The following LARGE1 variants were observed in gnomAD, a reference collection of about 807,000 sequenced individuals.
The protein encoded by LARGE1 is LARGE xylosyl- and glucuronyltransferase 1, also known as xylosyl- and glucuronyltransferase LARGE1.
LARGE1 carries 43 observed loss-of-function variants against 87.6 expected under a neutral mutation model. The ratio of observed to expected loss-of-function variants is 0.49; its 90% CI spans 0.38 to 0.63. The LOEUF (loss-of-function observed/expected upper bound fraction) is 0.63. LARGE1 is among the 30% of genes least tolerant of loss of function. The pLI is 0.00. For synonymous variants in LARGE1, 434 were observed against 394.6 expected (o/e 1.10, Z -1.18); for missense variants, 802 against 1,000.2 (o/e 0.80, Z 2.67).
the LARGE1 span, among the ~76,000 whole-genome samples, chr22:33,137,720 C>T: frequency 3.9e-5 from 6 of 152,032 alleles, no homozygotes; most frequent in South Asian, 1.2e-3. Flanking sequence ...TGCCCTGTGT[C>T]CCAGTTAATT....
intron 1 of LARGE1, among the ~76,000 whole-genome samples, chr22:33,776,051 C>G (rs1601589508): frequency 6.6e-6 from 1 of 152,146 alleles, no homozygotes; most frequent in Non-Finnish European, 1.5e-5. Flanking sequence ...CTTTCCCTCA[C>G]TGAAAGGTTC....
At chr22:33,194,802 G>T (rs1923981037) in intron 11 of LARGE1, among the ~76,000 whole-genome samples, 1 of 152,132 alleles carries the variant, frequency 6.6e-6, no homozygotes, top group Admixed American at 6.5e-5. Context: ...TTACAGAAAG[G>T]GGAATAGAGA....
chr22:33,752,923 T>C (rs766133666), intron 2 of LARGE1, among the ~76,000 whole-genome samples: 1 of 152,212 alleles, frequency 6.6e-6, no homozygotes, highest in Non-Finnish European at 1.5e-5. Flanking sequence ...GTAGGCTCAA[T>C]ATAATTACAA....
intron 5 of LARGE1, among the ~76,000 whole-genome samples, chr22:33,569,999 T>C (rs2078146659): frequency 6.6e-6 from 1 of 152,218 alleles, no homozygotes; most frequent in Non-Finnish European, 1.5e-5. Flanking sequence ...TCATGATTGC[T>C]AAAATCCAGG....
intron 11 of LARGE1, among the ~76,000 whole-genome samples, chr22:33,175,740 T>C (rs1922830441): frequency 6.6e-6 from 1 of 152,172 alleles, no homozygotes; most frequent in South Asian, 2.1e-4. Flanking sequence ...CAAAGTAATA[T>C]ATAGATTCAA....
At chr22:33,116,274 T>G in the LARGE1 span, 4 of 152,184 alleles carry the variant, frequency 2.6e-5, no homozygotes, top group African/African-American at 9.7e-5. Flanking sequence ...CAGGGCGTTT[T>G]GCAAAAGGAG....
chr22:33,350,924 A>G (rs1940312587), intron 9 of LARGE1, among the ~76,000 whole-genome samples: 4 of 152,146 alleles, frequency 2.6e-5, no homozygotes, highest in Admixed American at 2.0e-4. Flanking sequence ...GGGTCAACAG[A>G]GTCCTTTTGA....
intron 4 of LARGE1, among the ~76,000 whole-genome samples, chr22:33,614,724 C>T (rs2283924): frequency 0.72 from 110,094 of 152,042 alleles, 39,903 homozygotes; most frequent in Admixed American, 0.78. Flanking sequence ...TGTCAGATTT[C>T]TTCCTAGCAT....
chr22:33,851,021 G>A (rs998379892), intron 1 of LARGE1, among the ~76,000 whole-genome samples: 1 of 152,190 alleles, frequency 6.6e-6, no homozygotes, highest in Admixed American at 6.5e-5. Context: ...GGGATCATTT[G>A]GCACCTGGCT....
chr22:33,809,200 A>G (rs557116156), intron 1 of LARGE1, among the ~76,000 whole-genome samples: 1 of 151,684 alleles, frequency 6.6e-6, no homozygotes, highest in East Asian at 1.9e-4. Flanking sequence ...TGAACCCAGG[A>G]GGCAGAGGCT....
chr22:33,176,365 G>A (rs1271741603), intron 11 of LARGE1, among the ~76,000 whole-genome samples: 1 of 152,070 alleles, frequency 6.6e-6, no homozygotes, highest in Non-Finnish European at 1.5e-5. Context: ...GAGTGAACAG[G>A]CAACCTACAG....
intron 2 of LARGE1, among the ~76,000 whole-genome samples, chr22:33,758,036 C>T (rs1337207589): frequency 6.6e-6 from 1 of 152,134 alleles, no homozygotes; most frequent in Non-Finnish European, 1.5e-5. Context: ...GTTTCTGCAT[C>T]TTTCATGCCA....
chr22:33,172,432 T>C (rs549991195), intron 11 of LARGE1, among the ~76,000 whole-genome samples: 5 of 133,884 alleles, frequency 3.7e-5, no homozygotes, highest in African/African-American at 1.6e-4. Flanking sequence ...GGTTAAAAAG[T>C]GAAAGTTTCC....
the LARGE1 span, among the ~76,000 whole-genome samples, chr22:33,081,671 T>C: frequency 6.6e-6 from 1 of 152,190 alleles, no homozygotes; most frequent in Non-Finnish European, 1.5e-5. Context: ...ACCACATTCA[T>C]ATGACATTTT....
intron 2 of LARGE1, among the ~76,000 whole-genome samples, chr22:33,716,698 C>G (rs912687129): frequency 6.6e-6 from 1 of 152,198 alleles, no homozygotes; most frequent in African/African-American, 2.4e-5. Context: ...CCACACCTGG[C>G]CACCCCCAAA....
intron 11 of LARGE1, among the ~76,000 whole-genome samples, chr22:33,167,463 G>A (rs769268672): frequency 2.6e-5 from 4 of 152,168 alleles, no homozygotes; most frequent in Non-Finnish European, 4.4e-5. Context: ...GCAAGGGTAT[G>A]GTTTGGAGGA....
At chr22:33,776,405 T>C (rs184295303) in intron 1 of LARGE1, among the ~76,000 whole-genome samples, 10 of 152,314 alleles carry the variant, frequency 6.6e-5, no homozygotes, top group Admixed American at 5.9e-4. Context: ...ATTAACCTCT[T>C]TCAACAATGC....
chr22:33,651,216 C>T (rs534076373), intron 2 of LARGE1, among the ~76,000 whole-genome samples: 4 of 28,480 alleles, frequency 1.4e-4, no homozygotes, highest in South Asian at 1.1e-3. Flanking sequence ...CCGGTCTCTA[C>T]TAAAAATACA....
At chr22:33,455,604 A>C (rs1031951951) in intron 6 of LARGE1, among the ~76,000 whole-genome samples, 2 of 151,888 alleles carry the variant, frequency 1.3e-5, no homozygotes, top group African/African-American at 2.4e-5. Context: ...AATACAAAAA[A>C]TTAGCCGGGC....
Sources: allele counts gnomAD v4.1 joint callset (sites outside exome capture counted in the v4.1 genomes callset), GRCh38; gene constraint gnomAD v4.1.1; transcripts MANE v1.5; gene names NCBI Gene and HGNC (gene_info 2026-07-23, HGNC 2026-07-21).